RUNX1T1: variants seen among roughly 807,000 people sequenced by gnomAD.
RUNX1T1 encodes protein CBFA2T1.
In RUNX1T1, 4 loss-of-function variants were observed where a neutral mutation model predicts 62.8. The observed-to-expected ratio is 0.06, with a 90% confidence interval of 0.03 to 0.15. The LOEUF is 0.15. RUNX1T1 is among the 10% of genes least tolerant of loss of function. The probability of loss-of-function intolerance (pLI) is 1.00; values close to 1 mark genes in which losing one functional copy is unlikely to be tolerated. For missense variants in RUNX1T1, 508 were observed against 754.3 expected, an observed-to-expected ratio of 0.67 and a Z score of 3.82; for synonymous variants, 291 against 286.0, an observed-to-expected ratio of 1.02 and a Z score of -0.18.
chr8:92,100,779 G>A (rs1837998955), upstream of RUNX1T1, among the ~76,000 whole-genome samples: 1 of 152,186 alleles, frequency 6.6e-6, no homozygotes, highest in African/African-American at 2.4e-5. Flanking sequence ...TAGACTTTAA[G>A]GATAAAAGAG....
chr8:92,095,223 C>CT, intron 1 of RUNX1T1: 1 of 1,533,148 alleles, frequency 6.5e-7, no homozygotes, highest in Non-Finnish European at 8.7e-7. Context: ...CTGGTCTTAT[C>CT]GACTTCTGAA....
intron 2 of RUNX1T1, among the ~76,000 whole-genome samples, chr8:92,016,879 TG>T (rs1241370486): frequency 6.6e-6 from 1 of 152,184 alleles, no homozygotes; most frequent in African/African-American, 2.4e-5. Context: ...CAAGTCATGC[TG>T]AACAAACTAA....
intron 3 of RUNX1T1, among the ~76,000 whole-genome samples, chr8:92,013,569 A>G (rs931071556): frequency 6.6e-6 from 1 of 152,200 alleles, no homozygotes; most frequent in Non-Finnish European, 1.5e-5. Flanking sequence ...AACCCTGGAC[A>G]ATGAAAGAAC....
intron 2 of RUNX1T1, among the ~76,000 whole-genome samples, chr8:92,073,960 A>C (rs1834045603): frequency 6.6e-6 from 1 of 152,176 alleles, no homozygotes; most frequent in Admixed American, 6.5e-5. Context: ...AGCCCCTCAA[A>C]GTGCTGGGAT....
chr8:92,026,823 A>AAAAC (rs1825262983), intron 1 of RUNX1T1, among the ~76,000 whole-genome samples: 1 of 150,176 alleles, frequency 6.7e-6, no homozygotes, highest in Admixed American at 6.6e-5. Flanking sequence ...CCCAGTCTCA[A>AAAAC]AAACAAACAA....
At chr8:91,978,637 A>G (rs944770375) in intron 8 of RUNX1T1, among the ~76,000 whole-genome samples, 14 of 152,202 alleles carry the variant, frequency 9.2e-5, no homozygotes, top group African/African-American at 3.4e-4. Flanking sequence ...ATAGTTCACA[A>G]TTCACTGCCT....
At chr8:92,038,643 G>C (rs1827858586) in intron 1 of RUNX1T1, among the ~76,000 whole-genome samples, 1 of 152,126 alleles carries the variant, frequency 6.6e-6, no homozygotes, top group Admixed American at 6.5e-5. Context: ...AAAAAAACCA[G>C]GTTGCATTCA....
chr8:92,034,646 G>T (rs1289218507), intron 1 of RUNX1T1, among the ~76,000 whole-genome samples: 1 of 124,164 alleles, frequency 8.1e-6, no homozygotes, highest in Non-Finnish European at 1.7e-5. Flanking sequence ...ATCAACAGAC[G>T]ACTAAAGAAA....
chr8:92,037,603 C>G (rs527532849), intron 1 of RUNX1T1, among the ~76,000 whole-genome samples: 1 of 152,156 alleles, frequency 6.6e-6, no homozygotes, highest in Non-Finnish European at 1.5e-5. Flanking sequence ...TGCTTGAGAC[C>G]GGGAGGTCAA....
At chr8:91,996,758 C>CTT (rs996604741) in intron 5 of RUNX1T1, among the ~76,000 whole-genome samples, 1 of 146,428 alleles carries the variant, frequency 6.8e-6, no homozygotes, top group South Asian at 2.2e-4. Context: ...ATCTCAGGCT[C>CTT]TTTTTTTTTT....
chr8:92,078,967 A>T (rs1834836177), intron 1 of RUNX1T1, among the ~76,000 whole-genome samples: 1 of 152,222 alleles, frequency 6.6e-6, no homozygotes, highest in Admixed American at 6.5e-5. Flanking sequence ...ATCTTTCAAA[A>T]ATTTAATAGG....
chr8:92,084,775 C>T (rs1000479140), intron 1 of RUNX1T1, among the ~76,000 whole-genome samples: 7 of 152,222 alleles, frequency 4.6e-5, no homozygotes, highest in Non-Finnish European at 7.4e-5. Flanking sequence ...GGTGTCCAAA[C>T]GTGAAGCAAC....
intron 1 of RUNX1T1, among the ~76,000 whole-genome samples, chr8:92,080,676 G>A (rs1835111833): frequency 6.6e-6 from 1 of 152,230 alleles, no homozygotes; most frequent in African/African-American, 2.4e-5. Flanking sequence ...GGCTGCAAGA[G>A]CATGGCCATG....
chr8:92,067,743 T>G (rs1216975650), upstream of RUNX1T1, among the ~76,000 whole-genome samples: 3 of 152,200 alleles, frequency 2.0e-5, no homozygotes, highest in Non-Finnish European at 2.9e-5. Context: ...TGTACAAAAA[T>G]GAAGTCTGTT....
At chr8:92,023,224 C>A (rs565673110) in intron 1 of RUNX1T1, among the ~76,000 whole-genome samples, 1 of 152,292 alleles carries the variant, frequency 6.6e-6, no homozygotes, top group East Asian at 1.9e-4. Context: ...TACTTCCCTT[C>A]ACTTTTTTGA....
chr8:92,036,872 G>A (rs967359543), intron 1 of RUNX1T1, among the ~76,000 whole-genome samples: 9 of 152,036 alleles, frequency 5.9e-5, no homozygotes, highest in Admixed American at 1.3e-4. Flanking sequence ...CTCTAACTCC[G>A]ATCTCCAAGA....
At chr8:91,987,030 A>C in intron 6 of RUNX1T1, 58 bp from the exon 8 acceptor site, 1 of 1,107,080 alleles carries the variant, frequency 9.0e-7, no homozygotes, top group Non-Finnish European at 1.4e-6. Flanking sequence ...ACCCATAAAC[A>C]CACAGACTCA....
chr8:92,070,863 C>A (rs1021630458), intron 2 of RUNX1T1, among the ~76,000 whole-genome samples: 2 of 152,202 alleles, frequency 1.3e-5, no homozygotes, highest in Non-Finnish European at 1.5e-5. Context: ...GTTGGAAAAA[C>A]CAAATCACTG....
intron 1 of RUNX1T1, among the ~76,000 whole-genome samples, chr8:92,054,897 A>C (rs1329881511): frequency 6.6e-6 from 1 of 152,092 alleles, no homozygotes; most frequent in Non-Finnish European, 1.5e-5. Context: ...CCCAGCTACT[A>C]GGGAGGCTGA....
Sources: gnomAD v4.1 joint callset for allele counts (sites outside exome capture counted in the v4.1 genomes callset) on GRCh38, gnomAD v4.1.1 for gene constraint, MANE v1.5 for transcripts, NCBI Gene and HGNC (gene_info 2026-07-23, HGNC 2026-07-21) for gene names.